The following KATNB1 variants were observed in gnomAD, a reference collection of about 807,000 sequenced individuals.
KATNB1 encodes katanin regulatory subunit B1, also known as katanin p80 WD40 repeat-containing subunit B1.
Under a neutral mutation model 82.3 loss-of-function variants are expected in KATNB1, and 38 were observed. The observed-to-expected ratio is 0.46, with a 90% CI of 0.36 to 0.61. The LOEUF (loss-of-function observed/expected upper bound fraction) is 0.61. KATNB1 is among the 20% of genes least tolerant of loss of function. The pLI is 0.00. For synonymous variants in KATNB1, 361 were observed against 368.7 expected (o/e 0.98, Z 0.24); for missense variants, 749 against 915.7 (o/e 0.82, Z 2.35).
At position 57,752,637 on chromosome 16, in the gene KATNB1, T is replaced by A. The variant is rs1211100690; in HGVS notation, c.704+36T>A. ...TGTGGGGTGGGCGGCCCAGCGCTCC[T>A]CCCGGCAGTGGGGCGTGGCTGTGGG... On this transcript the variant is annotated intron_variant, in intron 9 of 19. Coordinates refer to ENST00000379661, the MANE Select transcript of KATNB1 (RefSeq NM_005886.3). 5.8e-6 allele frequency: 9 copies of A among 1,548,798 alleles called. No homozygotes were observed. In the African/African-American group the frequency reaches 1.2e-4, roughly 21 times the overall value.
Position 57,755,347 on chromosome 16 carries a change from C to T in KATNB1, c.1419C>T (p.Ala473=), listed in dbSNP as rs146000936. The change falls in exon 16 of 20, where the codon GCC becomes GCT. Residue 473 remains alanine, a splice_region_variant and synonymous_variant. Coordinates refer to ENST00000379661, the MANE Select transcript of KATNB1 (RefSeq NM_005886.3). Reference sequence around the variant, plus strand: ...ATCTGGGTGTCCATCCCACGCAGGCCGTGAAGATCCCCCAGCAGGCCGAGC... The same window carrying T: ...ATCTGGGTGTCCATCCCACGCAGGCTGTGAAGATCCCCCAGCAGGCCGAGC... ...IGLKASDFLP[A]VKIPQQAELV... is the part of the protein sequence containing the mutation. The T allele has an allele frequency of 1.6e-5, 26 of 1,612,964 alleles. No individual in the cohort carries two copies. The highest frequency in any genetic ancestry group is 6.7e-5 in the Admixed American group (4 of 60,006).
At chr16:57,741,989 C>A (rs1317268358) in intron 3 of KATNB1, among the ~76,000 whole-genome samples, 172 bp downstream of exon 3, 2 of 152,226 alleles carry the variant, frequency 1.3e-5, no homozygotes, top group African/African-American at 2.4e-5. Context: ...ACCATCAGTG[C>A]TTCCCCCAGC....
In KATNB1 at chr16:57,741,710, A is replaced by C; in HGVS notation, c.64A>C (p.Asn22His). 1 of 1,614,126 alleles carries C rather than the reference A, an allele frequency of 6.2e-7. No homozygotes were observed. Among genetic ancestry groups the C allele is most frequent in the South Asian group, 1.1e-5 (1 of 91,072 alleles). Reference protein sequence around the residue: ...KLQEIVAHASNVSSLVLGKAS... With the variant: ...KLQEIVAHASHVSSLVLGKAS... ...AGAAGAGATCGTCGCGCATGCCAGC[A>C]ACGTGTCCTCACTGGTGCTGGGCAA... Residue 22 changes from asparagine (N) to histidine (H), a missense_variant, in exon 3 of 20, where the codon AAC (asparagine) becomes CAC (histidine). By Grantham distance (68) the Asn-to-His change is moderately conservative (BLOSUM62 1). Coordinates refer to ENST00000379661, the MANE Select transcript of KATNB1 (RefSeq NM_005886.3).
chr16:57,744,333 C>T (rs569851251), intron 3 of KATNB1, 61 bp from the exon 4 acceptor site: 1 of 1,418,988 alleles, frequency 7.0e-7, no homozygotes, highest in South Asian at 1.1e-5. Context: ...ACTTGGAATT[C>T]AGGGCGCAAC....
intron 3 of KATNB1, among the ~76,000 whole-genome samples, chr16:57,744,117 A>G (rs1555580550): frequency 6.6e-6 from 1 of 152,198 alleles, no homozygotes; most frequent in East Asian, 1.9e-4. Flanking sequence ...GCCCAGGGCC[A>G]TTTCTGCAGG....
chr16:57,740,857 C>T (rs1015904669), intron 2 of KATNB1, among the ~76,000 whole-genome samples: 5 of 152,194 alleles, frequency 3.3e-5, no homozygotes, highest in Non-Finnish European at 7.3e-5. Flanking sequence ...CTCTGGTGCC[C>T]GCCCAGGCCC....
At position 57,751,347 on chromosome 16, in the gene KATNB1, A is replaced by T; in HGVS notation, c.432+45A>T. 6.3e-7 allele frequency: 1 copy of T among 1,588,428 alleles called. No individual in the cohort carries two copies. The highest frequency in any genetic ancestry group is 1.1e-5 in the South Asian group (1 of 90,498). On this transcript the variant is annotated intron_variant, in intron 6 of 19. Transcript: ENST00000379661. The surrounding 1 kb of genome is among the most constrained non-coding windows in gnomAD (Gnocchi z 6.3). ...GTGACTCCATGAGCACCTTGCGGGC[A>T]TTGAGTGTGGTGTGGTGCCCAGACC...
chr16:57,755,722 T>C (rs1567903933), intron 16 of KATNB1, 119 bp from the exon 17 acceptor site: 1 of 1,045,054 alleles, frequency 9.6e-7, no homozygotes, highest in Non-Finnish European at 1.4e-6. Context: ...TTAGGTGCAG[T>C]GCTGAATACC....
Position 57,737,090 on chromosome 16 carries a change from C to T in KATNB1, c.-154C>T. On this transcript the variant is annotated 5_prime_UTR_variant, in exon 2 of 20. Coordinates refer to ENST00000379661, the MANE Select transcript of KATNB1 (RefSeq NM_005886.3). ...TGGGTAATTTGGAACCACGAGGCACCCCAGGGCCAGAAGACGAGGCATTCT... is the reference window on the plus strand; with the variant it reads ...TGGGTAATTTGGAACCACGAGGCACTCCAGGGCCAGAAGACGAGGCATTCT... The T allele has an allele frequency of 3.2e-6, 3 of 925,068 alleles. No homozygotes were observed. Among genetic ancestry groups the T allele is most frequent in the South Asian group, 2.8e-5 (2 of 71,870 alleles). 57.3% of individuals were successfully genotyped at this position (925,068 alleles called of 1,614,324 possible).
Position 57,755,193 on chromosome 16 carries a change from C to A in KATNB1, c.1371C>A (p.Ala457=), listed in dbSNP as rs1555585339. ...APKAEPAIIP[A]TRNEPIGLKA... is the part of the protein sequence containing the mutation. ...AGGCTGAGCCTGCCATCATCCCTGC[C>A]ACCCGGAACGAGCCCATCGGGCTGA... is the stretch of plus-strand genomic sequence containing the variant. The change falls in exon 15 of 20, where the codon GCC becomes GCA. Residue 457 remains alanine, a synonymous_variant. Coordinates refer to ENST00000379661, the MANE Select transcript of KATNB1 (RefSeq NM_005886.3). The A allele has an allele frequency of 1.2e-6, 2 of 1,612,114 alleles. No individual in the cohort carries two copies. The highest frequency in any genetic ancestry group is 2.7e-5 in the African/African-American group (2 of 74,938).
intron 3 of KATNB1, among the ~76,000 whole-genome samples, chr16:57,742,416 G>C (rs34129018): frequency 0.084 from 12,840 of 152,314 alleles, 623 homozygotes; most frequent in South Asian, 0.13. Context: ...TTATCCAAAG[G>C]CCACCACAGT....
At chr16:57,741,603 G>T in intron 2 of KATNB1, 84 bp from the exon 3 acceptor site, 1 of 1,465,530 alleles carries the variant, frequency 6.8e-7, no homozygotes. Context: ...AGGTTCCAAA[G>T]CGGGTAGCCG....
chr16:57,755,731 C>A, intron 16 of KATNB1, 110 bp from the exon 17 acceptor site: 2 of 1,085,730 alleles, frequency 1.8e-6, no homozygotes, highest in Non-Finnish European at 1.3e-6. Context: ...GTGCTGAATA[C>A]CCACAGCCCC....
intron 2 of KATNB1, among the ~76,000 whole-genome samples, chr16:57,741,209 T>C (rs976735067): frequency 6.6e-5 from 10 of 152,236 alleles, no homozygotes; most frequent in Admixed American, 6.5e-4. Flanking sequence ...AGGGTTTGTA[T>C]GTACACACAA....
In KATNB1 at chr16:57,752,764, C is replaced by T; in HGVS notation, c.705-14C>T. The T allele has an allele frequency of 6.2e-7, 1 of 1,607,272 alleles. No homozygotes were observed. The highest frequency in any genetic ancestry group is 2.2e-5 in the East Asian group (1 of 44,788). On this transcript the variant is annotated splice_polypyrimidine_tract_variant and intron_variant, in intron 9 of 19. Transcript: ENST00000379661. ...GGTGCCACAGGACCCACGGCCATCT[C>T]TCGCCTGGCCCAGGAGCGTCCTCTT...
In KATNB1 at chr16:57,751,178, G is replaced by C; in HGVS notation, c.391-83G>C. 7.5e-7 allele frequency: 1 copy of C among 1,334,916 alleles called. No homozygotes were observed. Among genetic ancestry groups the C allele is most frequent in the South Asian group, 1.2e-5 (1 of 84,906 alleles). The allele number at this position is 1,334,916 out of a possible 1,614,324, so 82.7% of individuals were successfully genotyped here. ...GACCTAGAGAAGGCTGGGCCCCACC[G>C]TCTGCTCACGACTGCACACCTTCCT... On this transcript the variant is annotated intron_variant, in intron 5 of 19. Coordinates refer to ENST00000379661, the MANE Select transcript of KATNB1 (RefSeq NM_005886.3). This position sits in a 1 kb window ranked among gnomAD's most constrained non-coding sequence, Gnocchi z 6.3.
chr16:57,755,424 G>A lies in KATNB1; in HGVS notation c.1496G>A (p.Cys499Tyr), dbSNP rs370579242. 3 of 1,613,226 alleles carry A rather than the reference G, an allele frequency of 1.9e-6. No homozygotes were observed. The highest frequency in any genetic ancestry group is 2.2e-5 in the South Asian group (2 of 91,088). The change falls in exon 16 of 20, where the codon TGT (cysteine) becomes TAT (tyrosine). Residue 499 changes from cysteine to tyrosine, a missense_variant. Around this residue, in one of 3 missense-constraint regions of KATNB1, gnomAD observed 407 missense variants for 434.7 expected, o/e 0.94. Coordinates refer to ENST00000379661, the MANE Select transcript of KATNB1 (RefSeq NM_005886.3). The stretch of plus-strand genomic sequence containing the variant: ...ATCCGCAAAGGCCACGACACCATGT[G>A]TGTGGTGCTCACCAGCCGCCACAAG... ...SQIRKGHDTMCVVLTSRHKNL... is the reference protein window; with the variant it reads ...SQIRKGHDTMYVVLTSRHKNL...
rs1448411474 is a variant in KATNB1, at chr16:57,746,233, AAGGTGC to A, written c.289+1725_289+1730del. On this transcript the variant is annotated intron_variant, in intron 4 of 19. Transcript: ENST00000379661. ...ATAAAATATCGCCCTCAGAATTTGG[AAGGTGC>A]AGCTTTTCTGCCTTTTAGGTTCTAG... Among the ~76,000 whole-genome samples, 98 of 152,268 alleles carry A rather than the reference AAGGTGC, an allele frequency of 6.4e-4. 1 individual carries two copies. The highest frequency in any genetic ancestry group is 5.1e-4 in the Non-Finnish European group (35 of 68,018).
intron 2 of KATNB1, 46 bp downstream of exon 2, chr16:57,737,329 C>G: frequency 6.2e-7 from 1 of 1,609,062 alleles, no homozygotes; most frequent in South Asian, 1.1e-5. Context: ...ATTCTGTTAG[C>G]GGCTTGTTGC....
Sources: allele counts gnomAD v4.1 joint callset (sites outside exome capture counted in the v4.1 genomes callset), GRCh38; gene constraint gnomAD v4.1.1; regional missense constraint gnomAD v4.1.1; non-coding constraint Gnocchi (gnomAD v3.1); transcripts MANE v1.5; gene names NCBI Gene and HGNC (gene_info 2026-07-23, HGNC 2026-07-21).